The following TTC13 variants were observed in gnomAD, a reference collection of about 807,000 sequenced individuals.
The protein encoded by TTC13 is tetratricopeptide repeat protein 13.
Under a neutral mutation model 120.0 loss-of-function variants are expected in TTC13, and 62 were observed. That is an observed-to-expected ratio of 0.52 (90% CI 0.42 to 0.64). The LOEUF (loss-of-function observed/expected upper bound fraction) is 0.64, where lower values mean the gene tolerates loss of function less well. Among genes scored for constraint, TTC13 ranks in the 30% least tolerant of loss-of-function variants. The pLI, the probability that TTC13 is intolerant of heterozygous loss-of-function variation, is 0.00. For synonymous variants in TTC13, 384 were observed against 393.5 expected (o/e 0.98, Z 0.28); for missense variants, 824 against 1,050.2 (o/e 0.78, Z 2.98).
intron 20 of TTC13, among the ~76,000 whole-genome samples, chr1:230,909,643 T>C (rs947411020): frequency 3.9e-5 from 6 of 152,146 alleles, no homozygotes; most frequent in African/African-American, 1.4e-4. Flanking sequence ...TACAAATACA[T>C]ATGTTAGTCT....
intron 1 of TTC13, among the ~76,000 whole-genome samples, chr1:230,967,721 C>A (rs891034420): frequency 2.0e-5 from 3 of 152,102 alleles, no homozygotes; most frequent in African/African-American, 7.2e-5. Flanking sequence ...GTTCTTCGAT[C>A]TTAAAATATT....
intron 4 of TTC13, among the ~76,000 whole-genome samples, chr1:230,947,265 T>C (rs1215272756): frequency 6.6e-6 from 1 of 151,916 alleles, no homozygotes; most frequent in Non-Finnish European, 1.5e-5. Flanking sequence ...GTAAGTGGTT[T>C]GGATGGAGAA....
chr1:230,931,954 T>A (rs1313804919), intron 9 of TTC13, 77 bp from the exon 10 acceptor site: 8 of 1,411,630 alleles, frequency 5.7e-6, no homozygotes, highest in Non-Finnish European at 6.9e-6. Context: ...CTCAGAATTA[T>A]GGACCAATAT....
chr1:230,936,904 C>T (rs1298735944), intron 8 of TTC13, among the ~76,000 whole-genome samples: 1 of 152,206 alleles, frequency 6.6e-6, no homozygotes, highest in South Asian at 2.1e-4. Flanking sequence ...GGACACCCTC[C>T]ACTCCTTCTA....
chr1:230,975,803 CAGT>C (rs1284801599), intron 1 of TTC13, among the ~76,000 whole-genome samples: 1 of 152,062 alleles, frequency 6.6e-6, no homozygotes, highest in Non-Finnish European at 1.5e-5. Context: ...GTCACTTCTG[CAGT>C]AGATCTGGGT....
chr1:230,955,766 C>T (rs1053343375), intron 3 of TTC13, among the ~76,000 whole-genome samples: 5 of 151,528 alleles, frequency 3.3e-5, no homozygotes, highest in African/African-American at 7.3e-5. Flanking sequence ...AAATAAAGTT[C>T]AAATTGAACA....
intron 18 of TTC13, among the ~76,000 whole-genome samples, chr1:230,915,345 G>GGT (rs1279645274): frequency 3.7e-5 from 4 of 109,278 alleles, no homozygotes; most frequent in Admixed American, 1.1e-4. Context: ...CTGAATATGG[G>GGT]GTGTGTGTGT....
intron 22 of TTC13, among the ~76,000 whole-genome samples, chr1:230,907,945 G>A (rs1671095200): frequency 6.6e-6 from 1 of 151,964 alleles, no homozygotes. Flanking sequence ...CAAGAGCCAG[G>A]AACGATCATG....
At chr1:230,976,217 G>C (rs1678287483) in intron 1 of TTC13, among the ~76,000 whole-genome samples, 1 of 152,180 alleles carries the variant, frequency 6.6e-6, no homozygotes, top group African/African-American at 2.4e-5. Context: ...TGATTCTGAA[G>C]AACTGACTAG....
Position 230,916,201 on chromosome 1 carries a change from T to C in TTC13, c.2085A>G (p.Thr695=). The C allele has an allele frequency of 1.2e-6, 2 of 1,612,572 alleles. No individual in the cohort carries two copies. Among genetic ancestry groups the C allele is most frequent in the Non-Finnish European group, 1.7e-6 (2 of 1,178,562 alleles). ...TTAAGAAGCGCACATACTTGTCTCCTGTAATCGTGATTGTGAATCCATCAT... is the reference window on the plus strand; with the variant it reads ...TTAAGAAGCGCACATACTTGTCTCCCGTAATCGTGATTGTGAATCCATCAT... ...KEYDGFTITI[T]GDKVGNILFS... is the part of the protein sequence containing the mutation. The change falls in exon 18 of 23, where the codon ACA becomes ACG. Residue 695 remains threonine, a synonymous_variant. Coordinates refer to ENST00000366661, the MANE Select transcript of TTC13 (RefSeq NM_024525.5).
chr1:230,926,275 C>G (rs1277313113), intron 12 of TTC13, among the ~76,000 whole-genome samples: 4 of 152,130 alleles, frequency 2.6e-5, no homozygotes, highest in Admixed American at 1.3e-4. Flanking sequence ...AGGGAAGAGG[C>G]ACATTGGGAG....
intron 1 of TTC13, among the ~76,000 whole-genome samples, chr1:230,965,969 C>G (rs1459945805): frequency 6.6e-6 from 1 of 152,116 alleles, no homozygotes; most frequent in African/African-American, 2.4e-5. Context: ...CTCCTAATTA[C>G]TTAAACTTGG....
intron 18 of TTC13, among the ~76,000 whole-genome samples, chr1:230,915,456 CTA>C (rs960390002): frequency 6.6e-5 from 10 of 151,946 alleles, no homozygotes; most frequent in African/African-American, 2.2e-4. Flanking sequence ...GTAAATAAAA[CTA>C]GAGTTAATAA....
chr1:230,917,459 A>G (rs1027736753), intron 17 of TTC13, among the ~76,000 whole-genome samples: 5 of 152,142 alleles, frequency 3.3e-5, no homozygotes, highest in African/African-American at 1.2e-4. Flanking sequence ...GTTTTTCATC[A>G]ACAGTACCAT....
intron 13 of TTC13, 151 bp downstream of exon 13, chr1:230,925,366 A>T: frequency 1.1e-6 from 1 of 949,804 alleles, no homozygotes; most frequent in Non-Finnish European, 1.5e-6. Context: ...TTCAGAATTC[A>T]GTTTGAATGA....
rs754625971 is a variant in TTC13 at position 230,920,558 on chromosome 1, T to C, written c.1935A>G (p.Glu645=). 6.3e-7 allele frequency: 1 copy of C among 1,599,554 alleles called. No homozygotes were observed. The highest frequency in any genetic ancestry group is 8.5e-7 in the Non-Finnish European group (1 of 1,174,972). ...CTACTTTGTGTACCTTTTCCAGGGC[T>C]TCCCGAACTTCCAGCAATCCTTTAG... ...NNPKGLLEVR[E]ALEKVHKVED... Residue 645 remains glutamate, a synonymous_variant, in exon 17 of 23, where the codon GAA becomes GAG. Coordinates refer to ENST00000366661, the MANE Select transcript of TTC13 (RefSeq NM_024525.5).
chr1:230,936,891 C>G (rs1674105560), intron 8 of TTC13, among the ~76,000 whole-genome samples: 1 of 152,226 alleles, frequency 6.6e-6, no homozygotes, highest in Non-Finnish European at 1.5e-5. Flanking sequence ...ATCTGTGTAA[C>G]AGGGACACCC....
rs988242136 is a variant in TTC13 at position 230,944,720 on chromosome 1, ATT to A, written c.579+667_579+668del. On this transcript the variant is annotated intron_variant, in intron 5 of 22. Transcript: ENST00000366661. The surrounding 1 kb of genome is among the most constrained non-coding windows in gnomAD (Gnocchi z 4.0). Reference sequence around the variant, plus strand: ...TTAATGTAAAAGTTGCAAAAGTGGCATTTCTCTCAAAGCACAATTTCACACAA... The same window carrying A: ...TTAATGTAAAAGTTGCAAAAGTGGCATCTCTCAAAGCACAATTTCACACAA... Among the ~76,000 whole-genome samples, 17 of 152,286 alleles carry A rather than the reference ATT, an allele frequency of 1.1e-4. No homozygotes were observed. Among genetic ancestry groups the A allele is most frequent in the African/African-American group, 4.1e-4 (17 of 41,588 alleles).
chr1:230,958,399 AT>A, intron 2 of TTC13, 100 bp from the exon 3 acceptor site: 1 of 1,366,712 alleles, frequency 7.3e-7, no homozygotes, highest in Non-Finnish European at 9.8e-7. Flanking sequence ...TTAAGGCTAC[AT>A]TTGATTTAAG....
Sources: allele counts gnomAD v4.1 joint callset (sites outside exome capture counted in the v4.1 genomes callset), GRCh38; gene constraint gnomAD v4.1.1; non-coding constraint Gnocchi (gnomAD v3.1); transcripts MANE v1.5; gene names NCBI Gene and HGNC (gene_info 2026-07-23, HGNC 2026-07-21).